ANKRD27: variants seen among roughly 807,000 people sequenced by gnomAD.
ANKRD27 encodes ankyrin repeat domain-containing protein 27.
A neutral mutation model predicts 129.7 loss-of-function variants in ANKRD27; 112 were observed. The observed-to-expected ratio is 0.86, with a 90% CI of 0.74 to 1.01. ANKRD27 has a LOEUF of 1.01. Among genes scored for constraint, ANKRD27 ranks in the 50% least tolerant of loss-of-function variants. ANKRD27 has a pLI of 0.00. For synonymous variants in ANKRD27, 516 were observed against 511.2 expected (o/e 1.01, Z -0.13); for missense variants, 1,258 against 1,300.5 (o/e 0.97, Z 0.50).
At chr19:32,667,416 T>C (rs1967780771) in intron 1 of ANKRD27, among the ~76,000 whole-genome samples, 1 of 152,242 alleles carries the variant, frequency 6.6e-6, no homozygotes, top group Non-Finnish European at 1.5e-5. Flanking sequence ...TCTCGCTGTG[T>C]TGCCCAGGGT....
At chr19:32,639,577 A>G (rs1599758448) in intron 11 of ANKRD27, 89 bp from the exon 12 acceptor site, 3 of 1,415,666 alleles carry the variant, frequency 2.1e-6, no homozygotes, top group African/African-American at 1.4e-5. Context: ...AACTGATCAA[A>G]TATCTAGTCA....
intron 1 of ANKRD27, among the ~76,000 whole-genome samples, chr19:32,671,659 C>T (rs1219200286): frequency 2.0e-5 from 3 of 152,216 alleles, no homozygotes; most frequent in African/African-American, 7.2e-5. Flanking sequence ...CGGGCCACTG[C>T]ACTCCAGCCT....
At chr19:32,658,784 C>T (rs1332444791) in intron 2 of ANKRD27, 130 bp downstream of exon 2, 2 of 808,394 alleles carry the variant, frequency 2.5e-6, no homozygotes, top group East Asian at 2.6e-5. Flanking sequence ...TGCTCACTCA[C>T]AGACCAAGCA....
rs149848469 is a variant in ANKRD27 at position 32,597,471 on chromosome 19, G to A, written c.*674C>T. ...GATGTTTCTAGAAATACTGCTACAG[G>A]TGCACGTGTAGTAACCGAATATCTG... On this transcript the variant is annotated 3_prime_UTR_variant, in exon 29 of 29. Transcript: ENST00000306065. The A allele has an allele frequency of 1.4e-4, 22 of 152,990 alleles. No individual in the cohort carries two copies. Among genetic ancestry groups the A allele is most frequent in the African/African-American group, 5.3e-4 (22 of 41,568 alleles). 9.5% of individuals were successfully genotyped at this position (152,990 alleles called of 1,614,324 possible). A position where few individuals can be genotyped will look rare whatever the true frequency, so the allele number is the denominator to read the frequency against.
chr19:32,664,661 A>ATAATAG (rs1555748659), intron 1 of ANKRD27, among the ~76,000 whole-genome samples: 1 of 141,322 alleles, frequency 7.1e-6, no homozygotes, highest in African/African-American at 2.7e-5. Flanking sequence ...AATAATAATA[A>ATAATAG]AAAGTTCTTC....
In ANKRD27 at chr19:32,658,997, C is replaced by G; in HGVS notation, c.19G>C (p.Asp7His). The part of the protein sequence containing the change: MALYDE[D>H]LLKNPFYLAL... ...AGATAGAAAGGATTTTTCAGGAGGT[C>G]TTCATCATACAGAGCCATATGGACT... The change falls in exon 2 of 29, where the codon GAC (aspartate) becomes CAC (histidine). Residue 7 changes from aspartate (D) to histidine (H), a missense_variant. By Grantham distance (81) the Asp-to-His change is moderately conservative. Transcript: ENST00000306065. 6.2e-7 allele frequency: 1 copy of G among 1,613,860 alleles called. No homozygotes were observed. The highest frequency in any genetic ancestry group is 8.5e-7 in the Non-Finnish European group (1 of 1,179,884).
chr19:32,622,958 T>A (rs1227205808), intron 17 of ANKRD27, among the ~76,000 whole-genome samples: 5 of 145,476 alleles, frequency 3.4e-5, no homozygotes, highest in East Asian at 4.0e-4. Context: ...TTTTTTTTAA[T>A]TTTTTTTTTT....
chr19:32,634,392 T>TG (rs1225591514), intron 12 of ANKRD27, among the ~76,000 whole-genome samples: 5 of 152,168 alleles, frequency 3.3e-5, no homozygotes, highest in African/African-American at 4.8e-5. Flanking sequence ...ACCTGCAGGG[T>TG]GGGCTTCACA....
intron 15 of ANKRD27, among the ~76,000 whole-genome samples, chr19:32,627,476 A>G (rs4805782): frequency 0.68 from 100,979 of 148,478 alleles, 34,770 homozygotes; most frequent in African/African-American, 0.76. Flanking sequence ...TCAGCTCACT[A>G]CAACCTCCAC....
intron 1 of ANKRD27, among the ~76,000 whole-genome samples, chr19:32,670,444 C>A (rs978625692): frequency 6.6e-6 from 1 of 151,194 alleles, no homozygotes. Context: ...GAGGCCGAGG[C>A]GGGCGGATCA....
intron 22 of ANKRD27, among the ~76,000 whole-genome samples, chr19:32,614,037 G>A (rs1053390984): frequency 1.3e-5 from 2 of 152,108 alleles, no homozygotes; most frequent in African/African-American, 4.8e-5. Flanking sequence ...GGGAAATGGA[G>A]AACAGGTAAG....
intron 26 of ANKRD27, among the ~76,000 whole-genome samples, chr19:32,601,496 G>A (rs1020318848): frequency 1.3e-5 from 2 of 150,842 alleles, no homozygotes; most frequent in Non-Finnish European, 2.9e-5. Context: ...CTACTTGAGA[G>A]TGGGAGGCAG....
intron 28 of ANKRD27, 121 bp from the exon 29 acceptor site, chr19:32,598,499 A>G (rs1233998864): frequency 1.2e-6 from 1 of 831,222 alleles, no homozygotes; most frequent in African/African-American, 1.7e-5. Flanking sequence ...CTTGACAGGC[A>G]TAATTTCAAT....
rs532635348 is a variant in ANKRD27, at chr19:32,649,548, C to G, written c.213+134G>C. On this transcript the variant is annotated intron_variant, in intron 3 of 28. Transcript: ENST00000306065. ...ACAAAGGCAGGGTCCCTCCAGCCCC[C>G]CACGGGGCTGCAGTGTGTGTCAAAT... 43 of 685,128 alleles carry G rather than the reference C, an allele frequency of 6.3e-5. No homozygotes were observed. In the East Asian group the frequency reaches 9.4e-4, roughly 15 times the overall value. 42.4% of individuals were successfully genotyped at this position (685,128 alleles called of 1,614,324 possible).
At chr19:32,664,932 A>C (rs1372811405) in intron 1 of ANKRD27, among the ~76,000 whole-genome samples, 1 of 141,342 alleles carries the variant, frequency 7.1e-6, no homozygotes, top group African/African-American at 2.6e-5. Context: ...AAAAAAAAAA[A>C]AAAAAAACTG....
chr19:32,614,297 A>G (rs529224840), intron 22 of ANKRD27, among the ~76,000 whole-genome samples: 1 of 152,350 alleles, frequency 6.6e-6, no homozygotes, highest in African/African-American at 2.4e-5. Context: ...GACCAATTCT[A>G]AAACACTGGG....
At chr19:32,610,987 TTAAAA>T (rs72333215) in intron 22 of ANKRD27, among the ~76,000 whole-genome samples, 87,200 of 150,200 alleles carry the variant, frequency 0.58, 26,427 homozygotes, top group Non-Finnish European at 0.69. Flanking sequence ...TCTCTAAAAA[TTAAAA>T]TAAAATAAAA....
At chr19:32,609,207 C>T (rs1350329685) in intron 22 of ANKRD27, among the ~76,000 whole-genome samples, 2 of 151,918 alleles carry the variant, frequency 1.3e-5, no homozygotes, top group Admixed American at 1.3e-4. Context: ...ACTCCAACCA[C>T]TTTGGAAAAC....
chr19:32,630,601 G>A (rs148653503), intron 13 of ANKRD27, among the ~76,000 whole-genome samples: 1,916 of 152,306 alleles, frequency 0.013, 51 homozygotes, highest in African/African-American at 0.044. Context: ...CGCCCACAGT[G>A]TGCCGCCCAG....
Sources: allele counts gnomAD v4.1 joint callset (sites outside exome capture counted in the v4.1 genomes callset), GRCh38; gene constraint gnomAD v4.1.1; transcripts MANE v1.5; gene names NCBI Gene and HGNC (gene_info 2026-07-23, HGNC 2026-07-21).